Variants in NLRC4 observed in about 807,000 individuals in gnomAD.
The protein encoded by NLRC4 is NLR family CARD domain containing 4.
NLRC4 carries 63 observed loss-of-function variants against 79.9 expected under a neutral mutation model. The ratio of observed to expected loss-of-function variants is 0.79; its 90% confidence interval spans 0.64 to 0.97. The LOEUF (loss-of-function observed/expected upper bound fraction) is 0.97. NLRC4 is among the 50% of genes least tolerant of loss of function. The pLI is 0.00. For missense variants in NLRC4, 1,074 were observed against 1,215.2 expected (o/e 0.88, Z 1.73); for synonymous variants, 461 against 456.5 (o/e 1.01, Z -0.12).
intron 1 of NLRC4, among the ~76,000 whole-genome samples, chr2:32,260,213 C>CAAGAAAAAAAAAAAAAA (rs1687309312): frequency 1.3e-5 from 1 of 75,078 alleles, no homozygotes; most frequent in African/African-American, 6.1e-5. Flanking sequence ...TGGGCAACGA[C>CAAGAAAAAAAAAAAAAA]AAAAAAAAAA....
chr2:32,238,003 C>T (rs943806346), intron 6 of NLRC4, 129 bp downstream of exon 6: 3 of 614,960 alleles, frequency 4.9e-6, no homozygotes, highest in African/African-American at 1.9e-5. Flanking sequence ...TGCTTATTAT[C>T]GAGAAGTTTT....
chr2:32,242,661 A>G (rs1020345186), intron 4 of NLRC4, among the ~76,000 whole-genome samples: 3 of 152,222 alleles, frequency 2.0e-5, no homozygotes, highest in Non-Finnish European at 4.4e-5. Flanking sequence ...CTACACAGTC[A>G]CTTCCAGAAA....
Position 32,250,661 on chromosome 2 carries a change from C to T in NLRC4, c.1203G>A (p.Val401=). 1 of 1,614,150 alleles carries T rather than the reference C, an allele frequency of 6.2e-7. No homozygotes were observed. The highest frequency in any genetic ancestry group is 1.3e-5 in the African/African-American group (1 of 75,042). Residue 401 remains valine, a synonymous_variant, in exon 4 of 9, where the codon GTG becomes GTA. Transcript: ENST00000402280. This position sits in a 1 kb window ranked among gnomAD's most constrained non-coding sequence, Gnocchi z 4.9. ...GTTCGAAATCAAACTTGTGGGAGAA[C>T]ACACCCTCCAGAGCTAGGTCTCCAC... is the stretch of plus-strand genomic sequence containing the variant. ...DHCGDLALEG[V]FSHKFDFELQ...
intron 8 of NLRC4, among the ~76,000 whole-genome samples, chr2:32,232,100 A>C (rs1048109410): frequency 2.0e-5 from 3 of 152,114 alleles, no homozygotes; most frequent in Non-Finnish European, 2.9e-5. Context: ...TTGGGGAGGA[A>C]TATCATAGAG....
At chr2:32,227,007 G>A (rs1686418709) in intron 8 of NLRC4, among the ~76,000 whole-genome samples, 1 of 152,142 alleles carries the variant, frequency 6.6e-6, no homozygotes. Flanking sequence ...CTTGCTATTA[G>A]GTGTGGCTAA....
chr2:32,240,918 A>G (rs1686784576), intron 5 of NLRC4, 115 bp downstream of exon 5: 1 of 653,904 alleles, frequency 1.5e-6, no homozygotes, highest in South Asian at 1.7e-5. Context: ...CAATGTAGCC[A>G]CAAGTACATA....
intron 8 of NLRC4, among the ~76,000 whole-genome samples, chr2:32,227,190 T>C (rs989296847): frequency 4.1e-5 from 6 of 147,532 alleles, no homozygotes; most frequent in African/African-American, 1.5e-4. Flanking sequence ...AAAGTAGGGG[T>C]CTGGGCCTGA....
intron 6 of NLRC4, among the ~76,000 whole-genome samples, 168 bp downstream of exon 6, chr2:32,237,964 A>G (rs996823220): frequency 6.6e-6 from 1 of 152,230 alleles, no homozygotes; most frequent in African/African-American, 2.4e-5. Flanking sequence ...ATTTAATTCT[A>G]ATATGGAGAA....
chr2:32,235,848 T>C (rs987376850), intron 7 of NLRC4, among the ~76,000 whole-genome samples: 1 of 152,232 alleles, frequency 6.6e-6, no homozygotes, highest in African/African-American at 2.4e-5. Context: ...TCCTCCTGTA[T>C]TATTCTAAAG....
At chr2:32,231,574 T>A (rs212712) in intron 8 of NLRC4, among the ~76,000 whole-genome samples, 2 of 74,718 alleles carry the variant, frequency 2.7e-5, no homozygotes, top group African/African-American at 5.1e-5. Flanking sequence ...TTTTTTTTTG[T>A]GGGGGGGGGG....
At position 32,247,115 on chromosome 2, in the gene NLRC4, C is replaced by T. The variant is rs1181122870; in HGVS notation, c.2257+2492G>A. On this transcript the variant is annotated intron_variant, in intron 4 of 8. Coordinates refer to ENST00000402280, the MANE Select transcript of NLRC4 (RefSeq NM_001199138.2). ...GGAGCTGAGTATCTTCTACAATTTC[C>T]CAGATGAGAATCTTGTAACACAATT... Among the ~76,000 whole-genome samples the T allele has an allele frequency of 2.0e-5, 3 of 152,174 alleles. No individual in the cohort carries two copies. The East Asian group carries it at 5.8e-4, about 29-fold the overall frequency.
intron 1 of NLRC4, among the ~76,000 whole-genome samples, chr2:32,262,762 A>C (rs1181174391): frequency 6.6e-6 from 1 of 151,156 alleles, no homozygotes; most frequent in Non-Finnish European, 1.5e-5. Flanking sequence ...GGTGACAGAG[A>C]GAGACTCTGT....
intron 1 of NLRC4, among the ~76,000 whole-genome samples, chr2:32,260,361 A>G (rs2148948335): frequency 6.6e-6 from 1 of 152,246 alleles, no homozygotes; most frequent in East Asian, 1.9e-4. Context: ...CTTCCCCACA[A>G]AAACTTCTCT....
chr2:32,251,806 G>A (rs1031317886), intron 3 of NLRC4, among the ~76,000 whole-genome samples: 3 of 151,914 alleles, frequency 2.0e-5, no homozygotes, highest in Non-Finnish European at 4.4e-5. Flanking sequence ...TTTGCTTTCT[G>A]TTTCCTCCTT....
intron 4 of NLRC4, among the ~76,000 whole-genome samples, chr2:32,245,457 A>T (rs918363891): frequency 6.6e-6 from 1 of 152,066 alleles, no homozygotes; most frequent in East Asian, 1.9e-4. Flanking sequence ...GAGTAGAAGG[A>T]TGGTTACCAG....
chr2:32,252,985 T>G (rs1447718009), intron 2 of NLRC4, among the ~76,000 whole-genome samples: 1 of 151,462 alleles, frequency 6.6e-6, no homozygotes, highest in South Asian at 2.1e-4. Flanking sequence ...GCCACTGCAC[T>G]CCGGCCTGGG....
At chr2:32,239,690 G>A (rs1431518845) in intron 5 of NLRC4, among the ~76,000 whole-genome samples, 1 of 152,174 alleles carries the variant, frequency 6.6e-6, no homozygotes, top group Admixed American at 6.5e-5. Context: ...GACTGGTTTA[G>A]TCAAGTTCAC....
intron 1 of NLRC4, among the ~76,000 whole-genome samples, chr2:32,258,471 G>A: frequency 6.6e-6 from 1 of 152,198 alleles, no homozygotes; most frequent in Non-Finnish European, 1.5e-5. Flanking sequence ...ACAGGCCTGG[G>A]GGTGGAGCCC....
intron 2 of NLRC4, among the ~76,000 whole-genome samples, chr2:32,254,329 CCAGA>C (rs1188758126): frequency 1.4e-5 from 2 of 139,214 alleles, no homozygotes; most frequent in African/African-American, 5.4e-5. Context: ...TCAGGTGTCA[CCAGA>C]CAAAGAGCAC....
Sources: allele counts gnomAD v4.1 joint callset (sites outside exome capture counted in the v4.1 genomes callset), GRCh38; gene constraint gnomAD v4.1.1; non-coding constraint Gnocchi (gnomAD v3.1); transcripts MANE v1.5; gene names NCBI Gene and HGNC (gene_info 2026-07-23, HGNC 2026-07-21).